The following LARGE1 variants were observed in gnomAD, a reference collection of about 807,000 sequenced individuals.
LARGE1 encodes LARGE xylosyl- and glucuronyltransferase 1.
LARGE1 carries 43 observed loss-of-function variants against 87.6 expected under a neutral mutation model. The ratio of observed to expected loss-of-function variants is 0.49; its 90% confidence interval spans 0.38 to 0.63. LARGE1 has a LOEUF of 0.63. LARGE1 is among the 30% of genes least tolerant of loss of function. The pLI, the probability that LARGE1 is intolerant of heterozygous loss-of-function variation, is 0.00. For missense variants in LARGE1, 802 were observed against 1,000.2 expected, an observed-to-expected ratio of 0.80 and a Z score of 2.67; for synonymous variants, 434 against 394.6, an observed-to-expected ratio of 1.10 and a Z score of -1.18.
chr22:33,282,766 A>C (rs893275591), intron 13 of LARGE1, among the ~76,000 whole-genome samples: 2 of 152,144 alleles, frequency 1.3e-5, no homozygotes, highest in African/African-American at 2.4e-5. Context: ...GACCACTCAT[A>C]CCACAAATAA....
intron 11 of LARGE1, among the ~76,000 whole-genome samples, chr22:33,175,005 C>T (rs570095039): frequency 3.3e-5 from 5 of 152,126 alleles, no homozygotes; most frequent in Non-Finnish European, 7.3e-5. Flanking sequence ...ATCCTGATAC[C>T]AAAACCTGGC....
intron 9 of LARGE1, among the ~76,000 whole-genome samples, chr22:33,352,400 A>G (rs940501863): frequency 6.6e-6 from 1 of 152,210 alleles, no homozygotes; most frequent in Admixed American, 6.5e-5. Flanking sequence ...GAAAGCTTGA[A>G]GTTTACTTGA....
At chr22:33,417,687 C>G (rs193221959) in intron 7 of LARGE1, among the ~76,000 whole-genome samples, 1 of 152,192 alleles carries the variant, frequency 6.6e-6, no homozygotes, top group Admixed American at 6.5e-5. Flanking sequence ...ATCCAGGGCT[C>G]TTGCCCGGGG....
At chr22:33,778,158 C>A (rs1287235489) in intron 1 of LARGE1, among the ~76,000 whole-genome samples, 1 of 152,140 alleles carries the variant, frequency 6.6e-6, no homozygotes, top group East Asian at 1.9e-4. Context: ...TTCCTCAGGT[C>A]ACAGAAAAAG....
intron 1 of LARGE1, among the ~76,000 whole-genome samples, chr22:33,832,504 T>C (rs1228717334): frequency 2.0e-5 from 3 of 152,166 alleles, no homozygotes; most frequent in African/African-American, 7.2e-5. Context: ...CAAGGGAGCC[T>C]GGACCCAGAG....
In LARGE1 at chr22:33,650,522, G is replaced by A; in HGVS notation, c.253C>T (p.Leu85=). The change falls in exon 3 of 15, where the codon CTG becomes TTG. Residue 85 remains leucine, a synonymous_variant. Transcript: ENST00000397394. ...ENRALRRQLS[L]AQGRAPSHRR... ...TGGGATGGGGCTCGGCCCTGGGCCAGGCTGAGCTGCCTGCGGAGGGCGCGG... is the reference window on the plus strand; with the variant it reads ...TGGGATGGGGCTCGGCCCTGGGCCAAGCTGAGCTGCCTGCGGAGGGCGCGG... 2.5e-6 allele frequency: 4 copies of A among 1,612,564 alleles called. No individual in the cohort carries two copies. The highest frequency in any genetic ancestry group is 3.4e-6 in the Non-Finnish European group (4 of 1,180,008).
At chr22:33,507,760 G>T (rs553654781) in intron 6 of LARGE1, among the ~76,000 whole-genome samples, 2 of 152,248 alleles carry the variant, frequency 1.3e-5, no homozygotes, top group African/African-American at 4.8e-5. Context: ...ACGGTGTTCT[G>T]GTGGAAGACA....
the LARGE1 span, among the ~76,000 whole-genome samples, chr22:33,066,756 G>A: frequency 2.0e-5 from 3 of 152,174 alleles, no homozygotes; most frequent in Non-Finnish European, 4.4e-5. Flanking sequence ...ATTCTAAGCA[G>A]AGGCAAGTAG....
the LARGE1 span, among the ~76,000 whole-genome samples, chr22:33,075,715 T>C: frequency 6.6e-6 from 1 of 152,230 alleles, no homozygotes; most frequent in South Asian, 2.1e-4. Context: ...ATAGTAAATA[T>C]GGTCTTGAGT....
intron 2 of LARGE1, chr22:33,725,546 A>C (rs1423854673): frequency 2.0e-5 from 3 of 151,012 alleles, no homozygotes; most frequent in African/African-American, 7.2e-5. Context: ...ACGAACCCAA[A>C]GAGAAGGTCT....
the LARGE1 span, chr22:33,110,281 C>T: frequency 6.6e-6 from 1 of 152,206 alleles, no homozygotes; most frequent in African/African-American, 2.4e-5. Context: ...ATCTCCATTT[C>T]CAGTGGGAGA....
intron 5 of LARGE1, among the ~76,000 whole-genome samples, chr22:33,585,440 G>T (rs2078643606): frequency 6.6e-6 from 1 of 152,128 alleles, no homozygotes; most frequent in African/African-American, 2.4e-5. Context: ...ACACCATCTT[G>T]GCCAATGTAC....
In LARGE1 at chr22:33,342,254, G is replaced by A. The variant is rs768369163; in HGVS notation, c.1132-4453C>T. ...TGAGCCAGCAGGAAGGTTGATGGAT[G>A]TGGATCTGACTGAGGAAATGTTAAG... On this transcript the variant is annotated intron_variant, in intron 9 of 14. Coordinates refer to ENST00000397394, the MANE Select transcript of LARGE1 (RefSeq NM_133642.5). 6.5e-4 allele frequency among the ~76,000 whole-genome samples: 99 copies of A among 152,176 alleles called. 1 individual carries two copies. The highest frequency in any genetic ancestry group is 8.8e-5 in the Non-Finnish European group (6 of 68,044).
At chr22:33,870,459 A>G (rs1366268639) in intron 1 of LARGE1, among the ~76,000 whole-genome samples, 1 of 152,192 alleles carries the variant, frequency 6.6e-6, no homozygotes, top group Non-Finnish European at 1.5e-5. Context: ...AACAACAAAT[A>G]CCAGTGACAG....
At chr22:33,453,252 T>C (rs1250197771) in intron 6 of LARGE1, among the ~76,000 whole-genome samples, 1 of 151,944 alleles carries the variant, frequency 6.6e-6, no homozygotes, top group Middle Eastern at 3.4e-3. Context: ...CCATCTCTAC[T>C]AAAAATACAA....
intron 1 of LARGE1, among the ~76,000 whole-genome samples, chr22:33,840,304 A>T (rs551445472): frequency 6.6e-6 from 1 of 152,366 alleles, no homozygotes; most frequent in East Asian, 1.9e-4. Context: ...CCTAGTTTTT[A>T]AAAGACAAAA....
intron 12 of LARGE1, among the ~76,000 whole-genome samples, chr22:33,303,810 G>T (rs530131128): frequency 2.7e-5 from 4 of 146,310 alleles, no homozygotes; most frequent in Non-Finnish European, 4.6e-5. Flanking sequence ...TTTTTAGTAG[G>T]GGGGGGGTTT....
chr22:33,810,433 T>A (rs747461911), intron 1 of LARGE1, among the ~76,000 whole-genome samples: 59 of 152,098 alleles, frequency 3.9e-4, no homozygotes, highest in Non-Finnish European at 6.5e-4. Context: ...TCTACCATGG[T>A]GTGGTGGTTC....
At chr22:33,479,293 C>T (rs896388837) in intron 6 of LARGE1, among the ~76,000 whole-genome samples, 3 of 152,154 alleles carry the variant, frequency 2.0e-5, no homozygotes, top group African/African-American at 7.2e-5. Context: ...TATTGGTATC[C>T]TCCAACACCT....
Sources: gnomAD v4.1 joint callset for allele counts (sites outside exome capture counted in the v4.1 genomes callset) on GRCh38, gnomAD v4.1.1 for gene constraint, MANE v1.5 for transcripts, NCBI Gene and HGNC (gene_info 2026-07-23, HGNC 2026-07-21) for gene names.